ADH5: variants seen among roughly 807,000 people sequenced by gnomAD.
ADH5 encodes alcohol dehydrogenase 5 (class III), chi polypeptide.
ADH5 carries 32 observed loss-of-function variants against 40.3 expected under a neutral mutation model. The ratio of observed to expected loss-of-function variants is 0.79; its 90% confidence interval spans 0.60 to 1.07. ADH5 has a LOEUF of 1.07. ADH5 is among the 50% of genes least tolerant of loss of function. ADH5 has a pLI of 0.00. For missense variants in ADH5, 353 were observed against 460.5 expected (o/e 0.77, Z 2.14); for synonymous variants, 125 against 154.3 (o/e 0.81, Z 1.41).
Position 99,085,171 on chromosome 4 carries a change from G to A in ADH5, c.58C>T (p.Leu20Phe), listed in dbSNP as rs2110464265. The change falls in exon 2 of 9, where the codon CTC becomes TTC. Residue 20 changes from leucine (L) to phenylalanine (F), a missense_variant. Transcript: ENST00000296412. ...AAVAWEAGKPLSIEEIEVAPP... is the reference protein window; with the variant it reads ...AAVAWEAGKPFSIEEIEVAPP... ...GCCACCTCTATCTCCTCTATGGAGAGAGGCTTTCCAGCCTCCCAAGCAACT... is the reference window on the plus strand; with the variant it reads ...GCCACCTCTATCTCCTCTATGGAGAAAGGCTTTCCAGCCTCCCAAGCAACT... The A allele has an allele frequency of 6.4e-7, 1 of 1,552,024 alleles. No individual in the cohort carries two copies. The highest frequency in any genetic ancestry group is 8.7e-7 in the Non-Finnish European group (1 of 1,147,818).
At chr4:99,088,451 C>T (rs1330947555) in intron 1 of ADH5, among the ~76,000 whole-genome samples, 2 of 144,182 alleles carry the variant, frequency 1.4e-5, no homozygotes, top group Non-Finnish European at 3.0e-5. Flanking sequence ...CCCACCCCCC[C>T]ACCCCGTTCC....
At chr4:99,075,228 T>G (rs376083878) in intron 6 of ADH5, 179 bp from the exon 7 acceptor site, 37,759 of 369,060 alleles carry the variant, frequency 0.1, 1,696 homozygotes, top group African/African-American at 0.13. Context: ...TTTTGTTGTT[T>G]TTTTTTTTTT....
At chr4:99,087,333 G>A (rs542657196) in intron 1 of ADH5, among the ~76,000 whole-genome samples, 1 of 134,728 alleles carries the variant, frequency 7.4e-6, no homozygotes, top group Admixed American at 8.3e-5. Context: ...AGTGACCCAA[G>A]ATCGCGCTAT....
In ADH5 at chr4:99,076,344, G is replaced by C; in HGVS notation, c.773C>G (p.Thr258Ser). 6.2e-7 allele frequency: 1 copy of C among 1,614,004 alleles called. No homozygotes were observed. Among genetic ancestry groups the C allele is most frequent in the Non-Finnish European group, 8.5e-7 (1 of 1,179,956 alleles). The change falls in exon 6 of 9, where the codon ACC becomes AGC. Residue 258 changes from threonine (T) to serine (S), a missense_variant. Physicochemically the swap from Thr to Ser is moderately conservative, Grantham distance 58 (BLOSUM62 1). Coordinates refer to ENST00000296412, the MANE Select transcript of ADH5 (RefSeq NM_000671.4). ...AAAGGAATAGTCCACTCCTCCATCG[G>C]TCATCTCAATGAGCACTTCCTGGAT... ...KPIQEVLIEM[T>S]DGGVDYSFEC... is the part of the protein sequence containing the mutation.
At chr4:99,087,995 T>G (rs947617161) in intron 1 of ADH5, among the ~76,000 whole-genome samples, 6 of 152,234 alleles carry the variant, frequency 3.9e-5, no homozygotes, top group Non-Finnish European at 8.8e-5. Flanking sequence ...AATTTGTATT[T>G]TATGAATTTG....
intron 4 of ADH5, 125 bp downstream of exon 4, chr4:99,081,240 C>T (rs542726873): frequency 2.7e-5 from 15 of 559,500 alleles, no homozygotes; most frequent in South Asian, 1.0e-4. Flanking sequence ...GTCCTTTGAA[C>T]GTTAATCCGA....
intron 2 of ADH5, among the ~76,000 whole-genome samples, chr4:99,082,507 G>T (rs981895124): frequency 6.6e-6 from 1 of 152,142 alleles, no homozygotes; most frequent in African/African-American, 2.4e-5. Context: ...CCTCATGACA[G>T]CTGGGAAATA....
At chr4:99,081,478 G>A (rs758546287) in intron 3 of ADH5, 26 bp from the exon 4 acceptor site, 1 of 1,470,138 alleles carries the variant, frequency 6.8e-7, no homozygotes, top group South Asian at 1.2e-5. Context: ...AAGACATCCT[G>A]AATAGGTAGT....
chr4:99,081,494 T>G, intron 3 of ADH5, 42 bp from the exon 4 acceptor site: 1 of 1,146,792 alleles, frequency 8.7e-7, no homozygotes. Context: ...GTAGTATCTA[T>G]TTCTAAATGA....
intron 8 of ADH5, 37 bp downstream of exon 8, chr4:99,072,536 A>G (rs559039777): frequency 1.2e-6 from 2 of 1,609,264 alleles, no homozygotes; most frequent in African/African-American, 1.3e-5. Flanking sequence ...ACTCAACATC[A>G]TTATTACATT....
chr4:99,085,456 C>T, intron 1 of ADH5: 1 of 369,850 alleles, frequency 2.7e-6, no homozygotes. Context: ...AAGTTGTACT[C>T]ATCAAATATT....
In ADH5 at chr4:99,082,062, G is replaced by T; in HGVS notation, c.169C>A (p.Pro57Thr). 6.2e-7 allele frequency: 1 copy of T among 1,613,856 alleles called. No individual in the cohort carries two copies. Among genetic ancestry groups the T allele is most frequent in the Non-Finnish European group, 8.5e-7 (1 of 1,179,834 alleles). The change falls in exon 3 of 9, where the codon CCT (proline) becomes ACT (threonine). Residue 57 changes from proline (P) to threonine (T), a missense_variant. Coordinates refer to ENST00000296412, the MANE Select transcript of ADH5 (RefSeq NM_000671.4). ...TDAYTLSGAD[P>T]EGCFPVILGH... The stretch of plus-strand genomic sequence containing the variant: ...AAGATCACTGGAAAACAACCCTCAG[G>T]ATCAGCTCCACTCAGGGTATAGGCA...
intron 1 of ADH5, among the ~76,000 whole-genome samples, chr4:99,086,939 C>CAAAAAAAAA (rs58359709): frequency 1.9e-4 from 12 of 64,288 alleles, no homozygotes; most frequent in African/African-American, 3.6e-4. Flanking sequence ...GACTGCGTCT[C>CAAAAAAAAA]AAAAAAAAAA....
chr4:99,074,495 A>G (rs1015274634), intron 7 of ADH5, among the ~76,000 whole-genome samples: 2 of 152,246 alleles, frequency 1.3e-5, no homozygotes, highest in African/African-American at 4.8e-5. Flanking sequence ...ATATATGATC[A>G]CATCCAGTGA....
At chr4:99,086,964 A>AAAAAAT (rs1728151549) in intron 1 of ADH5, among the ~76,000 whole-genome samples, 1 of 143,556 alleles carries the variant, frequency 7.0e-6, no homozygotes, top group African/African-American at 2.6e-5. Context: ...AAAAAAAAAA[A>AAAAAAT]GAATATGAAG....
intron 6 of ADH5, 22 bp from the exon 7 acceptor site, chr4:99,075,071 C>T: frequency 6.5e-7 from 1 of 1,548,302 alleles, no homozygotes; most frequent in Non-Finnish European, 8.8e-7. Flanking sequence ...GAGATATGAC[C>T]AAATCACAGA....
intron 4 of ADH5, 149 bp downstream of exon 4, chr4:99,081,216 T>A: frequency 1.6e-6 from 1 of 615,578 alleles, no homozygotes; most frequent in Non-Finnish European, 2.9e-6. Context: ...GCTTGACTCT[T>A]TGTTCGGGAC....
At chr4:99,077,561 C>G (rs544015821) in intron 4 of ADH5, among the ~76,000 whole-genome samples, 1 of 152,214 alleles carries the variant, frequency 6.6e-6, no homozygotes, top group South Asian at 2.1e-4. Context: ...AAGTCAAAAC[C>G]AGTATCTATG....
At chr4:99,077,043 T>A in intron 4 of ADH5, 120 bp from the exon 5 acceptor site, 4 of 704,334 alleles carry the variant, frequency 5.7e-6, no homozygotes, top group Non-Finnish European at 9.4e-6. Context: ...AACTACAATT[T>A]CAAATATATT....
Sources: allele counts gnomAD v4.1 joint callset (sites outside exome capture counted in the v4.1 genomes callset), GRCh38; gene constraint gnomAD v4.1.1; transcripts MANE v1.5; gene names NCBI Gene and HGNC (gene_info 2026-07-23, HGNC 2026-07-21).